The following PPP2R5A variants were observed in gnomAD, a reference collection of about 807,000 sequenced individuals.
PPP2R5A encodes the protein serine/threonine-protein phosphatase 2A 56 kDa regulatory subunit alpha isoform.
A neutral mutation model predicts 64.2 loss-of-function variants in PPP2R5A; 25 were observed. That is an observed-to-expected ratio of 0.39 (90% CI 0.28 to 0.54). The LOEUF (loss-of-function observed/expected upper bound fraction) is 0.54, where lower values mean the gene tolerates loss of function less well. PPP2R5A is among the 20% of genes least tolerant of loss of function. The pLI is 0.67. For synonymous variants in PPP2R5A, 198 were observed against 201.2 expected, an observed-to-expected ratio of 0.98 and a Z score of 0.13; for missense variants, 425 against 576.3, an observed-to-expected ratio of 0.74 and a Z score of 2.69.
chr1:212,353,221 T>C (rs1043002536), intron 8 of PPP2R5A, among the ~76,000 whole-genome samples: 1 of 152,240 alleles, frequency 6.6e-6, no homozygotes, highest in Non-Finnish European at 1.5e-5. Flanking sequence ...CCTCAGATCC[T>C]TGTCACCCAG....
chr1:212,336,364 C>T (rs771315737), intron 3 of PPP2R5A, among the ~76,000 whole-genome samples: 1 of 152,158 alleles, frequency 6.6e-6, no homozygotes, highest in African/African-American at 2.4e-5. Flanking sequence ...ATCCATCCAC[C>T]TCAGCCTCCC....
chr1:212,310,857 AG>A (rs1295465258), intron 1 of PPP2R5A, among the ~76,000 whole-genome samples: 2 of 152,174 alleles, frequency 1.3e-5, no homozygotes, highest in Non-Finnish European at 2.9e-5. Context: ...AAATGCTGAT[AG>A]GTCCTACTCC....
intron 1 of PPP2R5A, among the ~76,000 whole-genome samples, chr1:212,310,598 C>T (rs1176793089): frequency 6.6e-6 from 1 of 152,178 alleles, no homozygotes; most frequent in Non-Finnish European, 1.5e-5. Flanking sequence ...AGAAGCTGAG[C>T]AGTTTGGGGA....
intron 11 of PPP2R5A, 33 bp downstream of exon 11, chr1:212,357,317 CTTTTTTTTTTTTT>C: frequency 1.7e-6 from 2 of 1,158,736 alleles, no homozygotes; most frequent in South Asian, 3.6e-5. Flanking sequence ...GTATTTTTTT[CTTTTTTTTTTTTT>C]ATATCTTTTT....
chr1:212,347,984 T>C (rs991234105), intron 6 of PPP2R5A, among the ~76,000 whole-genome samples: 5 of 152,202 alleles, frequency 3.3e-5, no homozygotes, highest in Admixed American at 2.6e-4. Context: ...TAGAAAATGA[T>C]TGTGGAGAGA....
At chr1:212,356,857 A>G (rs1336494507) in intron 9 of PPP2R5A, 93 bp from the exon 10 acceptor site, 3 of 1,312,562 alleles carry the variant, frequency 2.3e-6, no homozygotes, top group Admixed American at 2.7e-5. Flanking sequence ...TGCTTATTGT[A>G]TACTATGCAG....
intron 1 of PPP2R5A, among the ~76,000 whole-genome samples, chr1:212,294,125 C>T (rs914999657): frequency 6.6e-6 from 1 of 151,914 alleles, no homozygotes; most frequent in Non-Finnish European, 1.5e-5. Context: ...TATTTTTTTT[C>T]AGCAGAACGC....
At chr1:212,351,124 A>G (rs1440701498) in intron 8 of PPP2R5A, among the ~76,000 whole-genome samples, 1 of 151,974 alleles carries the variant, frequency 6.6e-6, no homozygotes, top group Non-Finnish European at 1.5e-5. Context: ...CAAAAAAACA[A>G]AAAACCTTGA....
At chr1:212,338,932 T>C (rs954836991) in intron 3 of PPP2R5A, among the ~76,000 whole-genome samples, 1 of 152,160 alleles carries the variant, frequency 6.6e-6, no homozygotes, top group Admixed American at 6.5e-5. Context: ...GGTAAAGTAA[T>C]GAACTAAGCA....
In PPP2R5A at chr1:212,286,129, C is replaced by G; in HGVS notation, c.19C>G (p.Pro7Ala). The G allele has an allele frequency of 6.3e-7, 1 of 1,581,194 alleles. No homozygotes were observed. The change falls in exon 1 of 13, where the codon CCG becomes GCG. Residue 7 changes from proline to alanine, a missense_variant. By Grantham distance (27) the Pro-to-Ala change is conservative. Transcript: ENST00000261461. ...CGCGGAGATGTCGTCGTCGTCGCCG[C>G]CGGCGGGGGCTGCCAGCGCCGCCAT... Reference protein sequence around the residue: MSSSSPPAGAASAAISA... With the variant: MSSSSPAAGAASAAISA...
intron 2 of PPP2R5A, among the ~76,000 whole-genome samples, chr1:212,332,900 T>C (rs1435870617): frequency 6.7e-6 from 1 of 149,366 alleles, no homozygotes; most frequent in African/African-American, 2.4e-5. Flanking sequence ...TTTATTTTTT[T>C]ATTTTTATTT....
chr1:212,297,915 A>G lies in PPP2R5A; in HGVS notation c.181+11624A>G, dbSNP rs1259130423. 1.2e-4 allele frequency: 3 copies of G among 24,980 alleles called. 1 individual carries two copies. The East Asian group carries it at 1.7e-3, about 15-fold the overall frequency. The allele number at this position is 24,980 out of a possible 1,614,324, so 1.5% of individuals were successfully genotyped here. On this transcript the variant is annotated intron_variant, in intron 1 of 12. Transcript: ENST00000261461. ...ACAATAGTGGAGGGAAGGTCAGCAGATAAACAAGTGAACAAAGGTCTCTGG... is the reference window on the plus strand; with the variant it reads ...ACAATAGTGGAGGGAAGGTCAGCAGGTAAACAAGTGAACAAAGGTCTCTGG...
At chr1:212,344,563 G>A (rs1246336222) in intron 4 of PPP2R5A, among the ~76,000 whole-genome samples, 1 of 152,106 alleles carries the variant, frequency 6.6e-6, no homozygotes, top group Non-Finnish European at 1.5e-5. Context: ...TTATAAACAC[G>A]AAAGTTCAGA....
chr1:212,320,390 C>T (rs1187308699), intron 1 of PPP2R5A, among the ~76,000 whole-genome samples: 2 of 152,190 alleles, frequency 1.3e-5, no homozygotes, highest in Admixed American at 6.5e-5. Flanking sequence ...AATCTTTTCC[C>T]CACCTTTCCC....
chr1:212,314,032 T>C (rs1168134678), intron 1 of PPP2R5A, among the ~76,000 whole-genome samples: 1 of 152,236 alleles, frequency 6.6e-6, no homozygotes, highest in Non-Finnish European at 1.5e-5. Context: ...ATTTATCTCT[T>C]TCATACATTT....
intron 1 of PPP2R5A, among the ~76,000 whole-genome samples, chr1:212,326,433 A>T (rs1311677219): frequency 6.6e-6 from 1 of 151,720 alleles, no homozygotes; most frequent in Non-Finnish European, 1.5e-5. Flanking sequence ...ATCTCTATTA[A>T]AAAAAATACA....
intron 1 of PPP2R5A, among the ~76,000 whole-genome samples, chr1:212,323,686 A>G (rs950743998): frequency 6.6e-6 from 1 of 152,224 alleles, no homozygotes; most frequent in Non-Finnish European, 1.5e-5. Flanking sequence ...AGGCTAAGAA[A>G]TGGATTACTG....
At chr1:212,291,553 TTGTC>T (rs1219866392) in intron 1 of PPP2R5A, among the ~76,000 whole-genome samples, 1 of 152,258 alleles carries the variant, frequency 6.6e-6, no homozygotes. Context: ...CGGGTTAGCA[TTGTC>T]TGTCTATTGA....
chr1:212,310,394 T>C (rs766828240), intron 1 of PPP2R5A, among the ~76,000 whole-genome samples: 3 of 152,162 alleles, frequency 2.0e-5, no homozygotes, highest in Admixed American at 2.0e-4. Context: ...AAACCTCCAC[T>C]GTTTTTAAGA....
Sources: gnomAD v4.1 joint callset for allele counts (sites outside exome capture counted in the v4.1 genomes callset) on GRCh38, gnomAD v4.1.1 for gene constraint, MANE v1.5 for transcripts, NCBI Gene and HGNC (gene_info 2026-07-23, HGNC 2026-07-21) for gene names.